OTULIN: variants seen among roughly 807,000 people sequenced by gnomAD.
OTULIN encodes ubiquitin thioesterase otulin.
In OTULIN, 15 loss-of-function variants were observed where a neutral mutation model predicts 39.6. The observed-to-expected ratio is 0.38, with a 90% CI of 0.25 to 0.58. The LOEUF (loss-of-function observed/expected upper bound fraction) is 0.58, where lower values mean the gene tolerates loss of function less well. Ranked by LOEUF, OTULIN falls within the 20% of genes least tolerant of loss-of-function variation. The probability of loss-of-function intolerance (pLI) is 0.66; values close to 1 mark genes in which losing one functional copy is unlikely to be tolerated. For missense variants in OTULIN, 319 were observed against 445.9 expected (o/e 0.72, Z 2.56); for synonymous variants, 156 against 170.3 (o/e 0.92, Z 0.65).
chr5:14,672,761 A>T (rs1401653243), intron 1 of OTULIN, among the ~76,000 whole-genome samples: 1 of 152,148 alleles, frequency 6.6e-6, no homozygotes, highest in East Asian at 1.9e-4. Context: ...CCCATCTCCC[A>T]GCCTTGGCTT....
chr5:14,702,428 A>G (rs1325359693), downstream of OTULIN, among the ~76,000 whole-genome samples: 2 of 152,208 alleles, frequency 1.3e-5, no homozygotes, highest in East Asian at 3.9e-4. Context: ...ATAGGCCCAG[A>G]TTAGGAACCT....
chr5:14,665,975 T>C (rs1040908437), intron 1 of OTULIN, among the ~76,000 whole-genome samples: 2 of 152,148 alleles, frequency 1.3e-5, no homozygotes, highest in Non-Finnish European at 2.9e-5. Context: ...TAGCATGAGA[T>C]TGGAGGGGAG....
chr5:14,688,276 G>A (rs561450975), intron 5 of OTULIN, among the ~76,000 whole-genome samples: 1 of 152,228 alleles, frequency 6.6e-6, no homozygotes, highest in South Asian at 2.1e-4. Context: ...TCATTGAGCA[G>A]CTTGGAGCCC....
chr5:14,679,030 G>A (rs1026346531), intron 3 of OTULIN, among the ~76,000 whole-genome samples: 1 of 152,204 alleles, frequency 6.6e-6, no homozygotes, highest in East Asian at 1.9e-4. Context: ...CTGCTGTTCA[G>A]AGTTGGGCCA....
chr5:14,701,061 T>C (rs1178180334), downstream of OTULIN, among the ~76,000 whole-genome samples: 4 of 152,190 alleles, frequency 2.6e-5, no homozygotes, highest in Admixed American at 6.5e-5. Context: ...TCCATAGGAA[T>C]TGTCCTGTCG....
intron 4 of OTULIN, among the ~76,000 whole-genome samples, chr5:14,682,736 A>AT (rs1487201863): frequency 5.3e-5 from 8 of 151,958 alleles, no homozygotes; most frequent in Admixed American, 2.0e-4. Context: ...TTTTATTTTT[A>AT]TTTTTTTTGA....
rs1055259758 is a variant in OTULIN, at chr5:14,693,124, G to A, written c.*76G>A. Reference sequence around the variant, plus strand: ...CTCCTGGGCTTGGGCTGCAGGTTTGGGGGTCTCTAAGAACAATCTCTGAGA... The same window carrying A: ...CTCCTGGGCTTGGGCTGCAGGTTTGAGGGTCTCTAAGAACAATCTCTGAGA... On this transcript the variant is annotated 3_prime_UTR_variant, in exon 7 of 7. Coordinates refer to ENST00000284274, the MANE Select transcript of OTULIN (RefSeq NM_138348.6). The A allele has an allele frequency of 1.4e-6, 2 of 1,412,094 alleles. No individual in the cohort carries two copies. Among genetic ancestry groups the A allele is most frequent in the Non-Finnish European group, 9.6e-7 (1 of 1,040,938 alleles). 87.5% of individuals were successfully genotyped at this position (1,412,094 alleles called of 1,614,324 possible).
intron 1 of OTULIN, among the ~76,000 whole-genome samples, chr5:14,668,212 AG>A (rs1553994854): frequency 1.3e-5 from 2 of 152,182 alleles, no homozygotes; most frequent in Non-Finnish European, 2.9e-5. Context: ...CCCCACCCCC[AG>A]ATGCTGCTAC....
chr5:14,713,707 A>T, the OTULIN span: 4 of 1,612,148 alleles, frequency 2.5e-6, no homozygotes, highest in East Asian at 2.2e-5. The surrounding 1 kb of genome is among the most constrained non-coding windows in gnomAD (Gnocchi z 4.4). Context: ...CGTGCCCGCC[A>T]TCCACTCCCC....
At chr5:14,682,526 A>G (rs1438276612) in intron 4 of OTULIN, among the ~76,000 whole-genome samples, 2 of 152,232 alleles carry the variant, frequency 1.3e-5, no homozygotes, top group African/African-American at 4.8e-5. Context: ...ATTAACTGGA[A>G]GAAAATTGAA....
downstream of OTULIN, among the ~76,000 whole-genome samples, chr5:14,704,194 G>T (rs1191421475): frequency 1.3e-5 from 2 of 151,936 alleles, no homozygotes; most frequent in African/African-American, 4.8e-5. Flanking sequence ...GCTGGGCGTG[G>T]TGACGTGTGC....
chr5:14,681,559 C>T lies in OTULIN; in HGVS notation c.420C>T (p.Ser140=), dbSNP rs748478710. The T allele has an allele frequency of 1.9e-6, 3 of 1,614,026 alleles. No individual in the cohort carries two copies. The African/African-American group carries it at 4.0e-5, about 22-fold the overall frequency. Reference sequence around the variant, plus strand: ...GGGCCACGCTGTTCCAGGCCATGAGCCAGGCTGTGGGGCTGCCGCCCTGGC... The same window carrying T: ...GGGCCACGCTGTTCCAGGCCATGAGTCAGGCTGTGGGGCTGCCGCCCTGGC... ...ALRATLFQAM[S]QAVGLPPWLQ... is the part of the protein sequence containing the mutation. Residue 140 remains serine, a synonymous_variant, in exon 4 of 7, where the codon AGC becomes AGT. Transcript: ENST00000284274.
chr5:14,690,399 A>G lies in OTULIN; in HGVS notation c.864+91A>G. The G allele has an allele frequency of 2.0e-6, 3 of 1,471,046 alleles. No homozygotes were observed. Among genetic ancestry groups the G allele is most frequent in the South Asian group, 1.3e-5 (1 of 75,262 alleles). 91.1% of individuals were successfully genotyped at this position (1,471,046 alleles called of 1,614,324 possible). ...CACAGTTTTTGTAGGTCAGAAATTC[A>G]GGGACAGCTTAGTTGGATGGTTCTG... On this transcript the variant is annotated intron_variant, in intron 6 of 6. Transcript: ENST00000284274. The surrounding 1 kb of genome is among the most constrained non-coding windows in gnomAD (Gnocchi z 4.5).
At position 14,699,763 on chromosome 5, in the gene OTULIN, C is replaced by CA. The variant is rs1385609965; in HGVS notation, c.*6715_*6716insA. ...GTTTGTACAGTATTTTTCTATTGACCGCTTCCGTCTTGCCTGAAACCTGGG... is the reference window on the plus strand; with the variant it reads ...GTTTGTACAGTATTTTTCTATTGACCAGCTTCCGTCTTGCCTGAAACCTGGG... On this transcript the variant is annotated 3_prime_UTR_variant, in exon 7 of 7. Coordinates refer to ENST00000284274, the MANE Select transcript of OTULIN (RefSeq NM_138348.6). 1.3e-5 allele frequency: 2 copies of CA among 152,166 alleles called. No individual in the cohort carries two copies. The highest frequency in any genetic ancestry group is 2.9e-5 in the Non-Finnish European group (2 of 68,048). The allele number at this position is 152,166 out of a possible 1,614,324, so 9.4% of individuals were successfully genotyped here. A position where few individuals can be genotyped will look rare whatever the true frequency, so the allele number is the denominator to read the frequency against.
At chr5:14,712,236 C>G in the OTULIN span, among the ~76,000 whole-genome samples, 5 of 152,202 alleles carry the variant, frequency 3.3e-5, no homozygotes, top group African/African-American at 1.2e-4. Context: ...AGCAGGCTCT[C>G]TGAGTGGCCT....
At chr5:14,674,833 A>T (rs1275691139) in intron 2 of OTULIN, among the ~76,000 whole-genome samples, 1 of 152,228 alleles carries the variant, frequency 6.6e-6, no homozygotes, top group Non-Finnish European at 1.5e-5. Context: ...TTAAATGATG[A>T]TACCAGCCAT....
At chr5:14,686,394 G>T (rs567895333) in intron 4 of OTULIN, among the ~76,000 whole-genome samples, 2 of 152,140 alleles carry the variant, frequency 1.3e-5, no homozygotes, top group South Asian at 4.2e-4. Flanking sequence ...TCAAACTCCC[G>T]GGCTCAAGTG....
intron 1 of OTULIN, among the ~76,000 whole-genome samples, chr5:14,669,547 G>A (rs1735931590): frequency 6.6e-6 from 1 of 152,170 alleles, no homozygotes; most frequent in South Asian, 2.1e-4. Context: ...CAAGGTGGGA[G>A]GATCTCTTGA....
intron 1 of OTULIN, among the ~76,000 whole-genome samples, chr5:14,666,058 A>G (rs1206641649): frequency 3.9e-5 from 6 of 152,208 alleles, no homozygotes. Flanking sequence ...CTTGCCCCCA[A>G]GCCCTGCTCC....
Sources: gnomAD v4.1 joint callset for allele counts (sites outside exome capture counted in the v4.1 genomes callset) on GRCh38, gnomAD v4.1.1 for gene constraint, Gnocchi (gnomAD v3.1) non-coding constraint, MANE v1.5 for transcripts, NCBI Gene and HGNC (gene_info 2026-07-23, HGNC 2026-07-21) for gene names.